The following FSD1L variants were observed in gnomAD, a reference collection of about 807,000 sequenced individuals.
The protein encoded by FSD1L is FSD1-like protein.
A neutral mutation model predicts 71.6 loss-of-function variants in FSD1L; 45 were observed. That is an observed-to-expected ratio of 0.63 (90% CI 0.49 to 0.81). FSD1L has a LOEUF of 0.81. Ranked by LOEUF, FSD1L falls within the 30% of genes least tolerant of loss-of-function variation. The probability of loss-of-function intolerance (pLI) is 0.00; values close to 1 mark genes in which losing one functional copy is unlikely to be tolerated. For synonymous variants in FSD1L, 197 were observed against 207.2 expected, an observed-to-expected ratio of 0.95 and a Z score of 0.42; for missense variants, 561 against 618.1, an observed-to-expected ratio of 0.91 and a Z score of 0.98.
chr9:105,509,970 GCAT>G (rs1403258168), intron 9 of FSD1L, among the ~76,000 whole-genome samples: 1 of 152,138 alleles, frequency 6.6e-6, no homozygotes, highest in Non-Finnish European at 1.5e-5. Flanking sequence ...TTCCTCAAGA[GCAT>G]CATATTTTTA....
chr9:105,466,774 A>G (rs997349895), intron 3 of FSD1L, among the ~76,000 whole-genome samples: 1 of 152,230 alleles, frequency 6.6e-6, no homozygotes, highest in African/African-American at 2.4e-5. Context: ...TTAGATAAGC[A>G]TAAAACTCAT....
At chr9:105,508,143 C>G (rs1389935064) in intron 8 of FSD1L, among the ~76,000 whole-genome samples, 1 of 146,904 alleles carries the variant, frequency 6.8e-6, no homozygotes, top group Non-Finnish European at 1.5e-5. Flanking sequence ...GGATTACAGG[C>G]GTGAGCCACT....
intron 6 of FSD1L, among the ~76,000 whole-genome samples, chr9:105,481,896 C>G (rs1262610101): frequency 6.6e-6 from 1 of 151,954 alleles, no homozygotes; most frequent in Non-Finnish European, 1.5e-5. Context: ...CCTCTGCCGC[C>G]TGAGCAGCTG....
chr9:105,448,817 G>A (rs1467678011), intron 1 of FSD1L, among the ~76,000 whole-genome samples: 2 of 152,188 alleles, frequency 1.3e-5, no homozygotes, highest in Non-Finnish European at 2.9e-5. Flanking sequence ...AATTGTTAGG[G>A]CAGCCTTCCC....
intron 7 of FSD1L, among the ~76,000 whole-genome samples, chr9:105,490,255 G>A (rs1832834779): frequency 1.3e-5 from 2 of 152,214 alleles, no homozygotes; most frequent in African/African-American, 2.4e-5. Flanking sequence ...CTGATGGCCA[G>A]TGATGGTGAG....
At chr9:105,542,207 A>G (rs995602717) in intron 13 of FSD1L, among the ~76,000 whole-genome samples, 1 of 152,074 alleles carries the variant, frequency 6.6e-6, no homozygotes, top group African/African-American at 2.4e-5. Context: ...TGGCTGTACC[A>G]TTTTTTGCCT....
At position 105,531,215 on chromosome 9, in the gene FSD1L, T is replaced by C. The variant is rs75712618; in HGVS notation, c.1026-3278T>C. 9.2e-3 allele frequency among the ~76,000 whole-genome samples: 1,402 copies of C among 152,322 alleles called. 22 individuals are homozygous for C. Among genetic ancestry groups the C allele is most frequent in the African/African-American group, 0.032 (1,343 of 41,564 alleles). The stretch of plus-strand genomic sequence containing the variant: ...CTCCAGTATCTGATTTAGTAGTTTA[T>C]GGTAAGTCCTGGTAATTTGCATTTT... On this transcript the variant is annotated intron_variant, in intron 10 of 13. Coordinates refer to ENST00000481272, the MANE Select transcript of FSD1L (RefSeq NM_001145313.3).
At chr9:105,521,742 A>C (rs1835174040) in intron 10 of FSD1L, 1 of 1,612,464 alleles carries the variant, frequency 6.2e-7, no homozygotes, top group African/African-American at 1.3e-5. Flanking sequence ...TCGAAATTCC[A>C]GTTGGGCAAA....
At chr9:105,467,731 C>T (rs2149593) in intron 3 of FSD1L, among the ~76,000 whole-genome samples, 17,236 of 151,944 alleles carry the variant, frequency 0.11, 1,409 homozygotes, top group African/African-American at 0.23. Flanking sequence ...AGACAAAATC[C>T]GCCTCATTTC....
intron 10 of FSD1L, chr9:105,520,121 C>T (rs1274746745): frequency 1.1e-5 from 17 of 1,593,494 alleles, no homozygotes; most frequent in Admixed American, 6.9e-5. Flanking sequence ...GCAGTGGCAG[C>T]GGCAGGATGT....
intron 13 of FSD1L, among the ~76,000 whole-genome samples, chr9:105,540,097 C>G (rs1007539078): frequency 1.3e-5 from 2 of 152,048 alleles, no homozygotes; most frequent in Non-Finnish European, 2.9e-5. Flanking sequence ...TAATTTACAA[C>G]TAGCAGTATG....
At chr9:105,519,616 ACT>A (rs776648562) in intron 10 of FSD1L, among the ~76,000 whole-genome samples, 1 of 152,114 alleles carries the variant, frequency 6.6e-6, no homozygotes, top group Admixed American at 6.5e-5. Flanking sequence ...CATGCTAAAA[ACT>A]CTCAATAAAC....
chr9:105,538,662 C>T (rs575291620), intron 12 of FSD1L, among the ~76,000 whole-genome samples: 4 of 152,078 alleles, frequency 2.6e-5, no homozygotes, highest in Non-Finnish European at 5.9e-5. Context: ...GCAGGTCAGG[C>T]ATAGTGGCTC....
intron 9 of FSD1L, among the ~76,000 whole-genome samples, chr9:105,510,069 A>G (rs563168871): frequency 7.2e-5 from 11 of 152,308 alleles, no homozygotes; most frequent in African/African-American, 2.6e-4. Flanking sequence ...TTTCTATGCA[A>G]ATTTCATAGA....
chr9:105,508,174 CTTTTTTTTTT>C (rs11320443), intron 8 of FSD1L, among the ~76,000 whole-genome samples: 1 of 100,478 alleles, frequency 1.0e-5, no homozygotes, highest in African/African-American at 4.2e-5. Context: ...ACATATCACT[CTTTTTTTTTT>C]TTTTTTTTTT....
At chr9:105,500,280 G>C (rs913132364) in intron 7 of FSD1L, among the ~76,000 whole-genome samples, 15 of 152,158 alleles carry the variant, frequency 9.9e-5, no homozygotes, top group Admixed American at 7.9e-4. Context: ...AAGGTGTGTG[G>C]GAGGGGCAGC....
At chr9:105,544,017 C>T (rs975849553) in intron 13 of FSD1L, among the ~76,000 whole-genome samples, 3 of 152,208 alleles carry the variant, frequency 2.0e-5, no homozygotes, top group African/African-American at 7.2e-5. Context: ...CACTGTCTTC[C>T]ACAATGGTTG....
At chr9:105,520,723 G>C in intron 10 of FSD1L, 1 of 1,613,300 alleles carries the variant, frequency 6.2e-7, no homozygotes, top group Non-Finnish European at 8.5e-7. Flanking sequence ...TTAATCCCTG[G>C]ATTTTCAGCA....
In FSD1L at chr9:105,464,150, A is replaced by G. The variant is rs557408266; in HGVS notation, c.112-86A>G. 8.7e-4 allele frequency: 619 copies of G among 714,190 alleles called. 3 individuals carry two copies. Among genetic ancestry groups the G allele is most frequent in the Non-Finnish European group, 1.2e-3 (486 of 418,608 alleles). The allele number at this position is 714,190 out of a possible 1,614,324, so 44.2% of individuals were successfully genotyped here. On this transcript the variant is annotated intron_variant, in intron 2 of 13. Coordinates refer to ENST00000481272, the MANE Select transcript of FSD1L (RefSeq NM_001145313.3). ...TATTTGTTATACAATATACTCTTAC[A>G]TAAAGTTTGTTTAGAGAATGCTTGT...
Sources: allele counts gnomAD v4.1 joint callset (sites outside exome capture counted in the v4.1 genomes callset), GRCh38; gene constraint gnomAD v4.1.1; transcripts MANE v1.5; gene names NCBI Gene and HGNC (gene_info 2026-07-23, HGNC 2026-07-21).